The following IMMP2L variants were observed in gnomAD, a reference collection of about 807,000 sequenced individuals.
IMMP2L encodes the protein mitochondrial inner membrane protease subunit 2.
A neutral mutation model predicts 19.3 loss-of-function variants in IMMP2L; 18 were observed. That is an observed-to-expected ratio of 0.93 (90% CI 0.64 to 1.38). The LOEUF is 1.38. IMMP2L is among the 40% of genes most tolerant of loss of function. The pLI is 0.00. For synonymous variants in IMMP2L, 76 were observed against 73.0 expected, an observed-to-expected ratio of 1.04 and a Z score of -0.21; for missense variants, 233 against 218.2, an observed-to-expected ratio of 1.07 and a Z score of -0.43.
chr7:111,277,246 A>AC (rs1364821726), intron 3 of IMMP2L, among the ~76,000 whole-genome samples: 3 of 152,118 alleles, frequency 2.0e-5, no homozygotes, highest in African/African-American at 7.2e-5. Flanking sequence ...AACGAACTCA[A>AC]ACAACTCTAC....
At chr7:110,719,480 T>G (rs1488361973) in intron 5 of IMMP2L, among the ~76,000 whole-genome samples, 1 of 152,118 alleles carries the variant, frequency 6.6e-6, no homozygotes, top group African/African-American at 2.4e-5. Context: ...TAGAGTCAAA[T>G]GAAGTTATTG....
chr7:110,699,951 A>G (rs1038952503), intron 5 of IMMP2L, among the ~76,000 whole-genome samples: 1 of 152,158 alleles, frequency 6.6e-6, no homozygotes, highest in South Asian at 2.1e-4. Context: ...GACTGTAAAA[A>G]GCCAGGGCCC....
intron 1 of IMMP2L, among the ~76,000 whole-genome samples, chr7:111,528,804 G>C (rs1373838602): frequency 6.6e-6 from 1 of 152,128 alleles, no homozygotes; most frequent in Non-Finnish European, 1.5e-5. Context: ...TTATAAAGCA[G>C]TATCTTATGT....
At chr7:111,353,459 T>C (rs1828388042) in intron 3 of IMMP2L, among the ~76,000 whole-genome samples, 1 of 152,202 alleles carries the variant, frequency 6.6e-6, no homozygotes, top group Non-Finnish European at 1.5e-5. Flanking sequence ...TATGCACTGA[T>C]ATCTTCAGAG....
At chr7:110,951,186 A>AGAG (rs972273946) in intron 4 of IMMP2L, among the ~76,000 whole-genome samples, 18 of 152,002 alleles carry the variant, frequency 1.2e-4, no homozygotes, top group Non-Finnish European at 2.4e-4. Context: ...AATAAGTTCT[A>AGAG]GAGATCTCTG....
At chr7:111,315,727 T>A (rs570442394) in intron 3 of IMMP2L, among the ~76,000 whole-genome samples, 1 of 151,308 alleles carries the variant, frequency 6.6e-6, no homozygotes, top group Admixed American at 6.6e-5. Flanking sequence ...TCCTAGTGGC[T>A]TCTTAAAAAA....
chr7:111,402,192 T>A (rs1455761885), intron 3 of IMMP2L, among the ~76,000 whole-genome samples: 2 of 149,894 alleles, frequency 1.3e-5, no homozygotes, highest in Admixed American at 1.3e-4. Flanking sequence ...GAAAAAGCAA[T>A]CCTCCATTCA....
chr7:110,669,071 GTGTGTGTGTGTGTGTGTGTA>G (rs1791691631), intron 5 of IMMP2L, among the ~76,000 whole-genome samples: 2 of 108,956 alleles, frequency 1.8e-5, no homozygotes, highest in East Asian at 2.3e-4. Context: ...GTGTGTGTGT[GTGTGTGTGTGTGTGTGTGTA>G]TATGTATATA....
chr7:110,921,780 T>C (rs1315611413), intron 4 of IMMP2L, among the ~76,000 whole-genome samples: 1 of 152,202 alleles, frequency 6.6e-6, no homozygotes, highest in African/African-American at 2.4e-5. Flanking sequence ...TATTTTGACA[T>C]ATATATGAAA....
At chr7:111,072,367 T>C (rs185899816) in intron 3 of IMMP2L, among the ~76,000 whole-genome samples, 65 of 152,354 alleles carry the variant, frequency 4.3e-4, no homozygotes, top group Non-Finnish European at 7.8e-4. Flanking sequence ...TGGCAGATAC[T>C]ATGTTTGCTA....
intron 5 of IMMP2L, among the ~76,000 whole-genome samples, chr7:110,868,240 T>A (rs1808192279): frequency 6.6e-6 from 1 of 151,684 alleles, no homozygotes; most frequent in Non-Finnish European, 1.5e-5. Flanking sequence ...ACACCTGGTG[T>A]ATATTATTTT....
At chr7:110,906,540 G>C (rs1812469108) in intron 4 of IMMP2L, among the ~76,000 whole-genome samples, 1 of 152,130 alleles carries the variant, frequency 6.6e-6, no homozygotes, top group African/African-American at 2.4e-5. Flanking sequence ...TGTGTGCCAG[G>C]CTACAAAATT....
chr7:110,859,515 G>A (rs1490363459), intron 5 of IMMP2L, among the ~76,000 whole-genome samples: 2 of 151,842 alleles, frequency 1.3e-5, no homozygotes, highest in African/African-American at 4.8e-5. Flanking sequence ...GGCCGAGGCA[G>A]GCAGACTGCT....
chr7:111,387,913 T>G (rs1327338386), intron 3 of IMMP2L, among the ~76,000 whole-genome samples: 2 of 146,902 alleles, frequency 1.4e-5, no homozygotes, highest in African/African-American at 5.1e-5. Context: ...GAGGCAGAGG[T>G]TGCAGTGAGC....
chr7:111,538,816 T>TAAAA lies in IMMP2L; in HGVS notation c.-2-17371_-2-17368dup, dbSNP rs768599585. On this transcript the variant is annotated intron_variant, in intron 1 of 5. Coordinates refer to ENST00000405709, the MANE Select transcript of IMMP2L (RefSeq NM_032549.4). ...CAGAGCAATGAGACCCTGGCTCATT[T>TAAAA]AAAAAAAAAAAAAAAAAAAAAAGGC... Among the ~76,000 whole-genome samples, 604 of 82,402 alleles carry TAAAA rather than the reference T, an allele frequency of 7.3e-3. 5 individuals carry two copies. The highest frequency in any genetic ancestry group is 0.029 in the African/African-American group (580 of 19,902). The allele number at this position is 82,402 out of a possible 152,430, so 54.1% of individuals were successfully genotyped here. A position where few individuals can be genotyped will look rare whatever the true frequency, so the allele number is the denominator to read the frequency against.
intron 3 of IMMP2L, among the ~76,000 whole-genome samples, chr7:111,301,589 T>C (rs935534614): frequency 6.6e-6 from 1 of 152,122 alleles, no homozygotes; most frequent in South Asian, 2.1e-4. Flanking sequence ...TACTTTCATA[T>C]TTTGTATTTA....
chr7:110,979,934 C>T (rs1352803577), intron 3 of IMMP2L, among the ~76,000 whole-genome samples: 1 of 152,108 alleles, frequency 6.6e-6, no homozygotes, highest in Admixed American at 6.6e-5. Context: ...ATGTGAATTA[C>T]ACTTCAGTAA....
intron 3 of IMMP2L, among the ~76,000 whole-genome samples, chr7:111,156,793 A>G (rs944053922): frequency 1.3e-5 from 2 of 151,910 alleles, no homozygotes; most frequent in South Asian, 4.2e-4. Flanking sequence ...AGTATTTCCT[A>G]CATGCTTGGA....
At chr7:111,129,812 T>C (rs1195111121) in intron 3 of IMMP2L, among the ~76,000 whole-genome samples, 1 of 152,138 alleles carries the variant, frequency 6.6e-6, no homozygotes, top group Admixed American at 6.5e-5. Context: ...GAAAATATTA[T>C]TTTTACAGAG....
Sources: gnomAD v4.1 joint callset for allele counts (sites outside exome capture counted in the v4.1 genomes callset) on GRCh38, gnomAD v4.1.1 for gene constraint, MANE v1.5 for transcripts, NCBI Gene and HGNC (gene_info 2026-07-23, HGNC 2026-07-21) for gene names.